The following ARHGAP23 variants were observed in gnomAD, a reference collection of about 807,000 sequenced individuals.
ARHGAP23 encodes rho GTPase-activating protein 23.
Under a neutral mutation model 136.3 loss-of-function variants are expected in ARHGAP23, and 34 were observed. That is an observed-to-expected ratio of 0.25 (90% CI 0.19 to 0.33). The LOEUF is 0.33. ARHGAP23 is among the 10% of genes least tolerant of loss of function. ARHGAP23 has a pLI of 1.00. For missense variants in ARHGAP23, 1,808 were observed against 2,139.0 expected (o/e 0.85, Z 3.05); for synonymous variants, 832 against 920.5 (o/e 0.90, Z 1.74).
intron 1 of ARHGAP23, among the ~76,000 whole-genome samples, chr17:38,421,593 G>T (rs542915015): frequency 5.3e-5 from 8 of 152,372 alleles, no homozygotes; most frequent in African/African-American, 1.9e-4. Context: ...TGTCTGTTTG[G>T]TATGTGTGGA....
chr17:38,429,012 T>C (rs1169601653), intron 1 of ARHGAP23, among the ~76,000 whole-genome samples: 4 of 152,128 alleles, frequency 2.6e-5, no homozygotes, highest in African/African-American at 9.7e-5. Flanking sequence ...CGTCCTCCAC[T>C]AAGGCGTCCG....
At chr17:38,463,750 G>A (rs115715471) in intron 6 of ARHGAP23, among the ~76,000 whole-genome samples, 1,721 of 152,142 alleles carry the variant, frequency 0.011, 19 homozygotes, top group African/African-American at 0.038. Flanking sequence ...CACAGGCACC[G>A]AGCACACATC....
chr17:38,473,493 G>GAT (rs1165449360), intron 11 of ARHGAP23, among the ~76,000 whole-genome samples: 50 of 152,328 alleles, frequency 3.3e-4, no homozygotes, highest in African/African-American at 8.4e-4. Flanking sequence ...AGGCGGGACT[G>GAT]GCGCTCCTCT....
rs537021633 is a variant in ARHGAP23, at chr17:38,465,477, C to T, written c.484-690C>T. Among the ~76,000 whole-genome samples the T allele has an allele frequency of 7.9e-5, 12 of 152,332 alleles. No individual in the cohort carries two copies. In the South Asian group the frequency reaches 1.4e-3, roughly 18 times the overall value. On this transcript the variant is annotated intron_variant, in intron 6 of 23. Coordinates refer to ENST00000622683, the MANE Select transcript of ARHGAP23 (RefSeq NM_001199417.2). ...CCAGGCTGGGCCCAGGCCACAAGGC[C>T]GCTGTCCCTGGGAGCTGACTCCTTT...
chr17:38,448,209 C>T (rs2039076559), intron 1 of ARHGAP23, among the ~76,000 whole-genome samples: 1 of 152,130 alleles, frequency 6.6e-6, no homozygotes, highest in Non-Finnish European at 1.5e-5. Context: ...CTGTAGGAAC[C>T]TGAGGCTGGC....
chr17:38,423,687 G>A (rs2038542689), upstream of ARHGAP23, among the ~76,000 whole-genome samples: 1 of 152,100 alleles, frequency 6.6e-6, no homozygotes, highest in South Asian at 2.1e-4. Context: ...AATGTCTTTT[G>A]ACTTGATTAA....
intron 1 of ARHGAP23, among the ~76,000 whole-genome samples, chr17:38,454,659 GC>G (rs938818043): frequency 2.6e-4 from 40 of 152,306 alleles, no homozygotes; most frequent in African/African-American, 9.1e-4. Flanking sequence ...GGCTGACAGG[GC>G]TGGGCTGGGG....
At chr17:38,426,333 G>T (rs1300607820), upstream of ARHGAP23, among the ~76,000 whole-genome samples, 1 of 151,954 alleles carries the variant, frequency 6.6e-6, no homozygotes, top group Non-Finnish European at 1.5e-5. Flanking sequence ...ACGAGGTCAA[G>T]AGATCGAGAC....
At chr17:38,466,134 G>T in intron 6 of ARHGAP23, 33 bp from the exon 7 acceptor site, 2 of 1,442,324 alleles carry the variant, frequency 1.4e-6, no homozygotes, top group Non-Finnish European at 9.2e-7. Flanking sequence ...GACTTGTCTG[G>T]CCCTGCTTAC....
At chr17:38,467,981 C>T (rs184314922) in intron 7 of ARHGAP23, among the ~76,000 whole-genome samples, 2 of 152,334 alleles carry the variant, frequency 1.3e-5, no homozygotes, top group African/African-American at 4.8e-5. Flanking sequence ...GTTGGACATG[C>T]AGGGACAATC....
At chr17:38,495,393 G>A (rs539361810) in intron 20 of ARHGAP23, among the ~76,000 whole-genome samples, 1 of 151,992 alleles carries the variant, frequency 6.6e-6, no homozygotes, top group South Asian at 2.1e-4. Flanking sequence ...CCACCATGCC[G>A]GGCTAATTTT....
intron 20 of ARHGAP23, among the ~76,000 whole-genome samples, chr17:38,493,725 C>T (rs1039963307): frequency 6.6e-6 from 1 of 152,220 alleles, no homozygotes; most frequent in South Asian, 2.1e-4. Flanking sequence ...CCAGACCAGT[C>T]TTCAGGTCGG....
upstream of ARHGAP23, chr17:38,428,378 G>A (rs2038603519): frequency 2.6e-6 from 1 of 385,922 alleles, no homozygotes. Flanking sequence ...CGGACCCCGG[G>A]GGGGGCCCCC....
chr17:38,462,247 C>CTTT (rs59822011), intron 3 of ARHGAP23, among the ~76,000 whole-genome samples: 30 of 46,876 alleles, frequency 6.4e-4, no homozygotes, highest in African/African-American at 2.1e-3. Context: ...CGCACCCGGC[C>CTTT]TTTTTTTTTT....
At position 38,480,678 on chromosome 17, in the gene ARHGAP23, C is replaced by T. The variant is rs554773675; in HGVS notation, c.2629+795C>T. ...AAGTACCCGGGCGTGGTGGTGTGCGCCTGTAATCCCAACTACTTGGGAGGC... is the reference window on the plus strand; with the variant it reads ...AAGTACCCGGGCGTGGTGGTGTGCGTCTGTAATCCCAACTACTTGGGAGGC... On this transcript the variant is annotated intron_variant, in intron 14 of 23. Coordinates refer to ENST00000622683, the MANE Select transcript of ARHGAP23 (RefSeq NM_001199417.2). 3.3e-5 allele frequency among the ~76,000 whole-genome samples: 5 copies of T among 151,084 alleles called. No individual in the cohort carries two copies. The South Asian group carries it at 1.1e-3, about 32-fold the overall frequency.
chr17:38,507,766 A>G (rs568391836), intron 23 of ARHGAP23, among the ~76,000 whole-genome samples: 2 of 152,306 alleles, frequency 1.3e-5, no homozygotes, highest in African/African-American at 4.8e-5. Context: ...ATTGTGGGCA[A>G]CCATGGCCCA....
At chr17:38,438,966 T>C (rs548785168) in intron 1 of ARHGAP23, among the ~76,000 whole-genome samples, 74 of 148,998 alleles carry the variant, frequency 5.0e-4, no homozygotes, top group African/African-American at 1.7e-3. Context: ...CCTGGGCAAA[T>C]AGAGCGAAAC....
chr17:38,453,422 C>CGTGCGT (rs1207926903), intron 1 of ARHGAP23, among the ~76,000 whole-genome samples: 3 of 116,658 alleles, frequency 2.6e-5, no homozygotes, highest in African/African-American at 1.1e-4. Context: ...CGTATGCGTG[C>CGTGCGT]GTGTGTGTGT....
rs892370170 is a variant in ARHGAP23 at position 38,466,813 on chromosome 17, G to C, written c.1130G>C (p.Arg377Pro). 6.5e-7 allele frequency: 1 copy of C among 1,548,856 alleles called. No homozygotes were observed. Among genetic ancestry groups the C allele is most frequent in the Non-Finnish European group, 8.7e-7 (1 of 1,146,478 alleles). ...PGALVSPRFE[R>P]CGWASQRSSA... ...GCACTGGTGTCACCCCGCTTTGAGCGGTGTGGCTGGGCTTCCCAGCGTTCG... is the reference window on the plus strand; with the variant it reads ...GCACTGGTGTCACCCCGCTTTGAGCCGTGTGGCTGGGCTTCCCAGCGTTCG... Residue 377 changes from arginine (R) to proline (P), a missense_variant, in exon 7 of 24, where the codon CGG (arginine) becomes CCG (proline). By Grantham distance (103) the Arg-to-Pro change is moderately radical. Around this residue, in one of 7 missense-constraint regions of ARHGAP23, gnomAD observed 859 missense variants for 936.4 expected, o/e 0.92. Transcript: ENST00000622683.
Sources: allele counts gnomAD v4.1 joint callset (sites outside exome capture counted in the v4.1 genomes callset), GRCh38; gene constraint gnomAD v4.1.1; regional missense constraint gnomAD v4.1.1; transcripts MANE v1.5; gene names NCBI Gene and HGNC (gene_info 2026-07-23, HGNC 2026-07-21).